Variants in RANBP10 observed in about 807,000 individuals in gnomAD.
RANBP10 encodes ran-binding protein 10.
Under a neutral mutation model 72.8 loss-of-function variants are expected in RANBP10, and 24 were observed. The ratio of observed to expected loss-of-function variants is 0.33; its 90% CI spans 0.24 to 0.46. The LOEUF (loss-of-function observed/expected upper bound fraction) is 0.46. RANBP10 is among the 20% of genes least tolerant of loss of function. RANBP10 has a pLI of 1.00. For missense variants in RANBP10, 679 were observed against 817.5 expected (o/e 0.83, Z 2.07); for synonymous variants, 310 against 322.3 (o/e 0.96, Z 0.41).
chr16:67,737,768 C>A (rs1428487601), intron 5 of RANBP10, among the ~76,000 whole-genome samples: 1 of 152,134 alleles, frequency 6.6e-6, no homozygotes, highest in Non-Finnish European at 1.5e-5. Flanking sequence ...AGCCCCACAG[C>A]TGCCTTTGGA....
chr16:67,744,990 A>T (rs1345656525), intron 3 of RANBP10, among the ~76,000 whole-genome samples: 2 of 145,264 alleles, frequency 1.4e-5, no homozygotes, highest in African/African-American at 5.0e-5. Context: ...CGCCCGGCTA[A>T]TTTTTTTTTT....
chr16:67,729,956 T>C lies in RANBP10; in HGVS notation c.980A>G (p.Asn327Ser). The change falls in exon 8 of 14, where the codon AAC (asparagine) becomes AGC (serine). Residue 327 changes from asparagine (N) to serine (S), a missense_variant. Asn to Ser is a conservative substitution (Grantham distance 46, BLOSUM62 1). Transcript: ENST00000317506. This position sits in a 1 kb window ranked among gnomAD's most constrained non-coding sequence, Gnocchi z 7.1. ...GACTTACTTGAGCATGAAGAGGAGG[T>C]TGGGGTTGTGCTCCAGCAGCCCTGG... ...FYPGLLEHNPNLLFMLKCRQF... is the reference protein window; with the variant it reads ...FYPGLLEHNPSLLFMLKCRQF... 6.2e-7 allele frequency: 1 copy of C among 1,612,916 alleles called. No individual in the cohort carries two copies. Among genetic ancestry groups the C allele is most frequent in the Non-Finnish European group, 8.5e-7 (1 of 1,179,784 alleles).
At chr16:67,733,293 G>C (rs920543452) in intron 6 of RANBP10, among the ~76,000 whole-genome samples, 1 of 152,062 alleles carries the variant, frequency 6.6e-6, no homozygotes, top group Admixed American at 6.5e-5. Context: ...TTGAGCTCAG[G>C]AGGTCCATGC....
Position 67,735,041 on chromosome 16 carries a change from G to A in RANBP10, c.593C>T (p.Ala198Val), listed in dbSNP as rs781681315. The A allele has an allele frequency of 6.3e-6, 10 of 1,589,352 alleles. No individual in the cohort carries two copies. In the East Asian group the frequency reaches 2.3e-4, roughly 36 times the overall value. Residue 198 changes from alanine (A) to valine (V), a missense_variant and splice_region_variant, in exon 6 of 14, where the codon GCC becomes GTC. Transcript: ENST00000317506. Reference sequence around the variant, plus strand: ...CAGGCCTACGGTGGGGTAGAGGTTGGCCTGAGGAGGAGAATGAAATGTCAG... The same window carrying A: ...CAGGCCTACGGTGGGGTAGAGGTTGACCTGAGGAGGAGAATGAAATGTCAG... Reference protein sequence around the residue: ...SLGIAFTDLPANLYPTVGLQT... With the variant: ...SLGIAFTDLPVNLYPTVGLQT...
At chr16:67,732,805 T>C (rs975958128) in intron 6 of RANBP10, among the ~76,000 whole-genome samples, 10 of 151,678 alleles carry the variant, frequency 6.6e-5, no homozygotes, top group African/African-American at 2.4e-4. Flanking sequence ...CCCAGCACTT[T>C]GGGAGGCTGA....
intron 3 of RANBP10, among the ~76,000 whole-genome samples, chr16:67,752,187 T>C (rs181299092): frequency 2.5e-3 from 381 of 152,318 alleles, no homozygotes; most frequent in African/African-American, 8.5e-3. Context: ...CCTGTGACTA[T>C]GTCACCTTTC....
chr16:67,741,680 T>C (rs1382816230), intron 4 of RANBP10, among the ~76,000 whole-genome samples: 1 of 152,214 alleles, frequency 6.6e-6, no homozygotes, highest in Admixed American at 6.5e-5. Flanking sequence ...GTCACAAGAC[T>C]AGAGAAACAG....
In RANBP10 at chr16:67,726,229, G is replaced by T; in HGVS notation, c.*199C>A. ...TGTGTTACAGGCCGCTGCACGTGAA[G>T]GGGAGAGAGAGAGAGACTGAGCGGG... On this transcript the variant is annotated 3_prime_UTR_variant, in exon 14 of 14. Coordinates refer to ENST00000317506, the MANE Select transcript of RANBP10 (RefSeq NM_020850.3). 2 of 693,908 alleles carry T rather than the reference G, an allele frequency of 2.9e-6. No homozygotes were observed. Among genetic ancestry groups the T allele is most frequent in the East Asian group, 3.0e-5 (1 of 32,874 alleles). The allele number at this position is 693,908 out of a possible 1,614,324, so 43.0% of individuals were successfully genotyped here. A position where few individuals can be genotyped will look rare whatever the true frequency, so the allele number is the denominator to read the frequency against.
intron 3 of RANBP10, among the ~76,000 whole-genome samples, chr16:67,761,240 T>G (rs2054390126): frequency 6.6e-6 from 1 of 152,188 alleles, no homozygotes. Context: ...GCCCATAGGC[T>G]CCCAGGAAAG....
chr16:67,737,822 C>T (rs952568737), intron 5 of RANBP10, among the ~76,000 whole-genome samples, 191 bp downstream of exon 5: 1 of 152,154 alleles, frequency 6.6e-6, no homozygotes, highest in East Asian at 1.9e-4. Flanking sequence ...GTAGGAAGAC[C>T]AGACCTTACT....
Position 67,726,438 on chromosome 16 carries a change from T to C in RANBP10, c.1853A>G (p.Tyr618Cys), listed in dbSNP as rs1454320476. 5.0e-6 allele frequency: 8 copies of C among 1,612,506 alleles called. No homozygotes were observed. The highest frequency in any genetic ancestry group is 1.7e-5 in the Admixed American group (1 of 59,862). ...AGCCAGCACAGTCAGCTAGTGCAAG[T>C]AGTCATCAACTCTGGCAAAGGAGCA... is the stretch of plus-strand genomic sequence containing the variant. ...GSCSFARVDD[Y>C]LH The change falls in exon 14 of 14, where the codon TAC (tyrosine) becomes TGC (cysteine). Residue 618 changes from tyrosine to cysteine, a missense_variant. Tyr to Cys is a radical substitution (Grantham distance 194). Transcript: ENST00000317506.
chr16:67,803,604 T>A (rs2055275133), intron 2 of RANBP10, among the ~76,000 whole-genome samples: 1 of 141,788 alleles, frequency 7.1e-6, no homozygotes, highest in Non-Finnish European at 1.5e-5. Flanking sequence ...GAGCTGAGAT[T>A]GCGCCATTGC....
At chr16:67,750,571 C>G (rs2054174454) in intron 3 of RANBP10, among the ~76,000 whole-genome samples, 1 of 152,108 alleles carries the variant, frequency 6.6e-6, no homozygotes, top group Non-Finnish European at 1.5e-5. Flanking sequence ...CCCAGCATGT[C>G]AGGAGTCTGA....
Position 67,729,867 on chromosome 16 carries a change from C to A in RANBP10, c.999-39G>T. On this transcript the variant is annotated intron_variant, in intron 8 of 13. Transcript: ENST00000317506. This position sits in a 1 kb window ranked among gnomAD's most constrained non-coding sequence, Gnocchi z 7.1. ...GGAGCAATAATGCTCTGGTTGTGGT[C>A]CAGGTTGACGTTCCCACCACCAGCT... is the stretch of plus-strand genomic sequence containing the variant. 1 of 1,613,354 alleles carries A rather than the reference C, an allele frequency of 6.2e-7. No homozygotes were observed. The highest frequency in any genetic ancestry group is 1.1e-5 in the South Asian group (1 of 91,056).
chr16:67,764,935 G>A (rs780996021), intron 3 of RANBP10, among the ~76,000 whole-genome samples: 3 of 152,160 alleles, frequency 2.0e-5, no homozygotes, highest in Non-Finnish European at 2.9e-5. Context: ...AAAATGTAAC[G>A]GCTATAAACT....
intron 1 of RANBP10, 121 bp from the exon 2 acceptor site, chr16:67,805,660 A>G: frequency 1.3e-6 from 1 of 740,976 alleles, no homozygotes; most frequent in Non-Finnish European, 2.3e-6. Context: ...GCACTTACAC[A>G]GGCCGAGGAA....
intron 3 of RANBP10, among the ~76,000 whole-genome samples, chr16:67,770,415 G>T (rs147479356): frequency 6.6e-6 from 1 of 151,930 alleles, no homozygotes; most frequent in Non-Finnish European, 1.5e-5. Context: ...ATCCTAGATT[G>T]AAAGTATTAG....
intron 2 of RANBP10, among the ~76,000 whole-genome samples, chr16:67,778,536 A>AT (rs1555556935): frequency 1.3e-5 from 2 of 152,190 alleles, no homozygotes; most frequent in Non-Finnish European, 2.9e-5. Context: ...GAAAACATAG[A>AT]TAAAGTAAAC....
rs1597816316 is a variant in RANBP10 at position 67,727,498 on chromosome 16, C to T, written c.1621-60G>A. 17 of 1,508,094 alleles carry T rather than the reference C, an allele frequency of 1.1e-5. No individual in the cohort carries two copies. The East Asian group carries it at 2.6e-4, about 23-fold the overall frequency. 93.4% of individuals were successfully genotyped at this position (1,508,094 alleles called of 1,614,324 possible). A position where few individuals can be genotyped will look rare whatever the true frequency, so the allele number is the denominator to read the frequency against. ...ACACACCATAGCTCACCCTGCTACC[C>T]GTGGCTCCAGAGGGAGACAGGGCCC... On this transcript the variant is annotated intron_variant, in intron 12 of 13. Transcript: ENST00000317506.
Sources: allele counts gnomAD v4.1 joint callset (sites outside exome capture counted in the v4.1 genomes callset), GRCh38; gene constraint gnomAD v4.1.1; non-coding constraint Gnocchi (gnomAD v3.1); transcripts MANE v1.5; gene names NCBI Gene and HGNC (gene_info 2026-07-23, HGNC 2026-07-21).